The following UTRN variants were observed in gnomAD, a reference collection of about 807,000 sequenced individuals.
The protein encoded by UTRN is dystrophin-related protein 1.
In UTRN, 283 loss-of-function variants were observed where a neutral mutation model predicts 463.9. The observed-to-expected ratio is 0.61, with a 90% CI of 0.55 to 0.67. UTRN has a LOEUF of 0.67. Among genes scored for constraint, UTRN ranks in the 30% least tolerant of loss-of-function variants. The pLI is 0.00. For missense variants in UTRN, 3,922 were observed against 4,084.3 expected (o/e 0.96, Z 1.08); for synonymous variants, 1,442 against 1,431.5 (o/e 1.01, Z -0.17).
intron 54 of UTRN, among the ~76,000 whole-genome samples, chr6:144,739,602 G>A (rs1789823924): frequency 2.6e-5 from 4 of 152,108 alleles, no homozygotes; most frequent in African/African-American, 9.7e-5. Context: ...GGCATGAAGG[G>A]GAAGGCATTG....
intron 58 of UTRN, among the ~76,000 whole-genome samples, chr6:144,762,596 A>G (rs1335126358): frequency 6.6e-6 from 1 of 152,184 alleles, no homozygotes; most frequent in Non-Finnish European, 1.5e-5. Context: ...TGGTCTGGTA[A>G]TGGACAAAGG....
chr6:144,827,081 T>G (rs950610733), intron 66 of UTRN, among the ~76,000 whole-genome samples: 1 of 152,186 alleles, frequency 6.6e-6, no homozygotes, highest in Non-Finnish European at 1.5e-5. Context: ...TTCCCCAGTA[T>G]GACTGTTTAA....
intron 53 of UTRN, among the ~76,000 whole-genome samples, chr6:144,729,303 ATTC>A (rs1788270272): frequency 6.6e-6 from 1 of 152,100 alleles, no homozygotes; most frequent in Non-Finnish European, 1.5e-5. Flanking sequence ...AGATTTTTTC[ATTC>A]TTACCTTTTA....
intron 59 of UTRN, among the ~76,000 whole-genome samples, chr6:144,773,401 G>A (rs6570645): frequency 0.042 from 6,442 of 152,176 alleles, 448 homozygotes; most frequent in African/African-American, 0.15. Context: ...CATTTAATAA[G>A]CCATGTGACA....
At chr6:144,571,914 A>G (rs935013585) in intron 50 of UTRN, among the ~76,000 whole-genome samples, 2 of 152,124 alleles carry the variant, frequency 1.3e-5, no homozygotes, top group East Asian at 3.9e-4. Flanking sequence ...CATGCTTTCT[A>G]GGCCTGCTGC....
intron 51 of UTRN, among the ~76,000 whole-genome samples, chr6:144,582,296 T>C (rs777066525): frequency 6.6e-6 from 1 of 152,174 alleles, no homozygotes; most frequent in Non-Finnish European, 1.5e-5. Flanking sequence ...CGGTTACCAG[T>C]TTGAGCAGGA....
chr6:144,718,728 A>G (rs964486900), intron 53 of UTRN, among the ~76,000 whole-genome samples: 1 of 152,188 alleles, frequency 6.6e-6, no homozygotes, highest in African/African-American at 2.4e-5. Flanking sequence ...CTCCTCCTTC[A>G]TTCATACAAA....
Position 144,458,816 on chromosome 6 carries a change from A to G in UTRN, c.2331A>G (p.Ser777=). The G allele has an allele frequency of 1.9e-6, 3 of 1,610,472 alleles. No individual in the cohort carries two copies. The highest frequency in any genetic ancestry group is 2.2e-5 in the South Asian group (2 of 89,814). ...TAAAAAATGTTCTGGAGAAGGTTTC[A>G]TCAGAATGGAAGAATGTATCTCAAC... ...EEIKNVLEKV[S]SEWKNVSQHL... The change falls in exon 20 of 75, where the codon TCA becomes TCG. Residue 777 remains serine, a synonymous_variant. Transcript: ENST00000367545.
At chr6:144,332,023 G>A (rs907597822) in intron 2 of UTRN, among the ~76,000 whole-genome samples, 2 of 152,188 alleles carry the variant, frequency 1.3e-5, no homozygotes, top group African/African-American at 4.8e-5. Context: ...AACAACCTCT[G>A]TTTACAGGGT....
intron 9 of UTRN, among the ~76,000 whole-genome samples, chr6:144,432,130 A>T (rs917562825): frequency 2.0e-4 from 31 of 152,032 alleles, no homozygotes; most frequent in African/African-American, 7.3e-4. Flanking sequence ...ATGCTATTTA[A>T]AGACTTCATT....
At chr6:144,382,831 G>A (rs1781052774) in intron 2 of UTRN, among the ~76,000 whole-genome samples, 1 of 152,168 alleles carries the variant, frequency 6.6e-6, no homozygotes, top group Non-Finnish European at 1.5e-5. Context: ...CATGGATGGA[G>A]ACTCTGATAG....
intron 12 of UTRN, among the ~76,000 whole-genome samples, chr6:144,439,344 T>C (rs575169947): frequency 3.3e-5 from 5 of 152,308 alleles, no homozygotes; most frequent in Admixed American, 2.0e-4. Context: ...TAAGGAAAGA[T>C]AGAATAAAAT....
Position 144,522,058 on chromosome 6 carries a change from G to T in UTRN, c.5620G>T (p.Val1874Phe). 6 of 1,595,792 alleles carry T rather than the reference G, an allele frequency of 3.8e-6. No homozygotes were observed. The highest frequency in any genetic ancestry group is 5.1e-6 in the Non-Finnish European group (6 of 1,172,538). ...ATCACTTCTTCCTACAGATTATCTG[G>T]TTGAAATTAACAAAATTTTACTTTG... ...RSSLLPTDYL[V>F]EINKILLCMD... Residue 1874 changes from valine to phenylalanine, a missense_variant, in exon 40 of 75, where the codon GTT (valine) becomes TTT (phenylalanine). Physicochemically the swap from Val to Phe is conservative, Grantham distance 50. This residue lies in a region of UTRN where 2,349 missense variants were observed against 2,303.8 expected (regional missense o/e 1.02). Coordinates refer to ENST00000367545, the MANE Select transcript of UTRN (RefSeq NM_007124.3).
intron 74 of UTRN, among the ~76,000 whole-genome samples, chr6:144,847,958 G>A (rs1348208660): frequency 6.6e-6 from 1 of 152,142 alleles, no homozygotes; most frequent in African/African-American, 2.4e-5. Flanking sequence ...TCATGAACTT[G>A]TTTACTAATC....
intron 41 of UTRN, 125 bp downstream of exon 41, chr6:144,523,313 ATT>A: frequency 1.3e-6 from 1 of 781,650 alleles, no homozygotes; most frequent in Non-Finnish European, 1.8e-6. Flanking sequence ...ATGCCCTATT[ATT>A]TTTTTTTCTT....
chr6:144,601,932 T>A (rs1804291095), intron 51 of UTRN, among the ~76,000 whole-genome samples: 1 of 152,168 alleles, frequency 6.6e-6, no homozygotes. Context: ...TATGACTTGC[T>A]GAAGGCCCAG....
chr6:144,436,960 T>C (rs968910454), intron 10 of UTRN, among the ~76,000 whole-genome samples: 3 of 133,196 alleles, frequency 2.3e-5, no homozygotes, highest in Non-Finnish European at 4.6e-5. Context: ...ATATTTATAA[T>C]TTTTTTTTTT....
intron 61 of UTRN, among the ~76,000 whole-genome samples, chr6:144,786,564 G>A (rs11754249): frequency 0.28 from 41,877 of 151,902 alleles, 9,039 homozygotes; most frequent in African/African-American, 0.58. Context: ...GATTACAGGC[G>A]TGAGCCACCG....
At chr6:144,568,434 C>A (rs1352932675) in intron 50 of UTRN, among the ~76,000 whole-genome samples, 1 of 152,084 alleles carries the variant, frequency 6.6e-6, no homozygotes, top group Non-Finnish European at 1.5e-5. Flanking sequence ...CATTCCTTCC[C>A]TTGTATTATC....
Sources: allele counts gnomAD v4.1 joint callset (sites outside exome capture counted in the v4.1 genomes callset), GRCh38; gene constraint gnomAD v4.1.1; regional missense constraint gnomAD v4.1.1; transcripts MANE v1.5; gene names NCBI Gene and HGNC (gene_info 2026-07-23, HGNC 2026-07-21).